The following TNNT1 variants were observed in gnomAD, a reference collection of about 807,000 sequenced individuals.
TNNT1 encodes troponin T1, slow skeletal type, also known as troponin T, slow skeletal muscle.
In TNNT1, 53 loss-of-function variants were observed where a neutral mutation model predicts 50.6. That is an observed-to-expected ratio of 1.05 (90% confidence interval 0.84 to 1.32). The LOEUF (loss-of-function observed/expected upper bound fraction) is 1.32. Among genes scored for constraint, TNNT1 ranks in the 40% most tolerant of loss-of-function variants. The pLI is 0.00. For synonymous variants in TNNT1, 142 were observed against 138.0 expected (o/e 1.03, Z -0.20); for missense variants, 348 against 381.7 (o/e 0.91, Z 0.74).
intron 1 of TNNT1, chr19:55,147,370 A>T: frequency 1.6e-5 from 2 of 126,052 alleles, no homozygotes; most frequent in Non-Finnish European, 2.8e-5. Context: ...CTGAGGAAGG[A>T]GGGGCTGGGG....
intron 6 of TNNT1, among the ~76,000 whole-genome samples, chr19:55,143,467 G>T (rs1349906851): frequency 6.6e-6 from 1 of 152,178 alleles, no homozygotes; most frequent in Non-Finnish European, 1.5e-5. Flanking sequence ...GAAGCAGACA[G>T]GACTTAGGGG....
chr19:55,147,687 A>AGGGGCTGGGGGCCTGGC (rs2085601293), intron 1 of TNNT1, among the ~76,000 whole-genome samples: 1 of 45,406 alleles, frequency 2.2e-5, no homozygotes, highest in Admixed American at 2.3e-4. Flanking sequence ...TGGGGTCTGG[A>AGGGGCTGGGGGCCTGGC]CTCCTGGATC....
At position 55,140,791 on chromosome 19, in the gene TNNT1, A is replaced by ATAT. The variant is rs2085435529; in HGVS notation, c.387+91_387+92insATA. On this transcript the variant is annotated intron_variant, in intron 9 of 13. Coordinates refer to ENST00000588981, the MANE Select transcript of TNNT1 (RefSeq NM_003283.6). ...GACTCCGTTTCAAAGAATAATAATAATAGTAATAATAATAATAATAATAAT... is the reference window on the plus strand; with the variant it reads ...GACTCCGTTTCAAAGAATAATAATAATATTAGTAATAATAATAATAATAATAAT... 32 of 714,026 alleles carry ATAT rather than the reference A, an allele frequency of 4.5e-5. No individual in the cohort carries two copies. In the South Asian group the frequency reaches 1.3e-3, roughly 28 times the overall value. The allele number at this position is 714,026 out of a possible 1,614,324, so 44.2% of individuals were successfully genotyped here.
chr19:55,132,937 CG>C lies in TNNT1; in HGVS notation c.814del (p.Arg272AlafsTer27). 1 of 1,603,784 alleles carries C rather than the reference CG, an allele frequency of 6.2e-7. No individual in the cohort carries two copies. ...TCCTCACTTCCAGCGGCCTCCAACG[CG>C]GCCCTTCCCTGCCCCCTTCCGGCTG... Reference protein sequence around the residue: ...QKFRKGAGKGRVGGRWK With the variant: ...QKFRKGAGKGXVGGRWK On this transcript the variant is annotated frameshift_variant, in exon 14 of 14. Transcript: ENST00000588981. LOFTEE classifies it high-confidence loss of function.
At chr19:55,140,337 C>T (rs1448224935) in intron 9 of TNNT1, among the ~76,000 whole-genome samples, 1 of 151,560 alleles carries the variant, frequency 6.6e-6, no homozygotes, top group Non-Finnish European at 1.5e-5. Context: ...GGCAGAGTGG[C>T]GCAGCCTATA....
intron 9 of TNNT1, among the ~76,000 whole-genome samples, chr19:55,139,837 A>C (rs1161509453): frequency 1.3e-5 from 2 of 151,950 alleles, no homozygotes; most frequent in African/African-American, 4.8e-5. Flanking sequence ...AATAATGATG[A>C]CAATGGCCAG....
In TNNT1 at chr19:55,141,124, C is replaced by T. The variant is rs2085444886; in HGVS notation, c.309+62G>A. On this transcript the variant is annotated intron_variant, in intron 8 of 13. Coordinates refer to ENST00000588981, the MANE Select transcript of TNNT1 (RefSeq NM_003283.6). ...GAGGAAAACTATTATCTGCATCTCCCAAGATGCAAGGGATCCACATGGAGG... is the reference window on the plus strand; with the variant it reads ...GAGGAAAACTATTATCTGCATCTCCTAAGATGCAAGGGATCCACATGGAGG... 7 of 1,495,332 alleles carry T rather than the reference C, an allele frequency of 4.7e-6. 1 individual carries two copies. The South Asian group carries it at 7.9e-5, about 17-fold the overall frequency. 92.6% of individuals were successfully genotyped at this position (1,495,332 alleles called of 1,614,324 possible).
At chr19:55,136,720 T>C (rs2056844188) in intron 11 of TNNT1, among the ~76,000 whole-genome samples, 1 of 152,186 alleles carries the variant, frequency 6.6e-6, no homozygotes, top group Non-Finnish European at 1.5e-5. Flanking sequence ...GTCTTGGCTA[T>C]AGATGCGAGG....
chr19:55,142,173 T>G (rs968856792), intron 6 of TNNT1: 1 of 421,978 alleles, frequency 2.4e-6, no homozygotes, highest in Non-Finnish European at 4.4e-6. Context: ...CAGGCTGGAG[T>G]GCGGTGGCGC....
chr19:55,144,322 A>G (rs2147262453), intron 6 of TNNT1, among the ~76,000 whole-genome samples: 1 of 152,024 alleles, frequency 6.6e-6, no homozygotes, highest in Non-Finnish European at 1.5e-5. Context: ...CGCCCCCCTC[A>G]GCCTCCCAAA....
At chr19:55,133,021 C>A in intron 13 of TNNT1, 61 bp from the exon 14 acceptor site, 6 of 1,453,844 alleles carry the variant, frequency 4.1e-6, no homozygotes, top group African/African-American at 1.4e-5. Flanking sequence ...AAATGGGCCC[C>A]AGGCCCTCAA....
chr19:55,140,672 G>A (rs895423332), intron 9 of TNNT1: 5 of 233,838 alleles, frequency 2.1e-5, no homozygotes, highest in Non-Finnish European at 3.3e-5. Flanking sequence ...AGCTACTGGG[G>A]AGGCTGAGGC....
chr19:55,145,713 G>T lies in TNNT1; in HGVS notation c.107-148C>A, dbSNP rs989122693. ...TGGAGTCCAGTTCTGGAGGAGGGGG[G>T]ATGGGGAGAAGAAAAGAGGGAAGGA... On this transcript the variant is annotated intron_variant, in intron 5 of 13. Coordinates refer to ENST00000588981, the MANE Select transcript of TNNT1 (RefSeq NM_003283.6). 25 of 765,206 alleles carry T rather than the reference G, an allele frequency of 3.3e-5. No individual in the cohort carries two copies. In the South Asian group the frequency reaches 3.8e-4, roughly 12 times the overall value. The allele number at this position is 765,206 out of a possible 1,614,324, so 47.4% of individuals were successfully genotyped here.
intron 11 of TNNT1, among the ~76,000 whole-genome samples, chr19:55,134,842 G>A (rs1267675546): frequency 1.1e-5 from 1 of 90,394 alleles, no homozygotes; most frequent in Non-Finnish European, 2.3e-5. Flanking sequence ...ACGAGGGGAA[G>A]GGAGGGGAGG....
intron 11 of TNNT1, 118 bp downstream of exon 11, chr19:55,136,985 T>A (rs2085355894): frequency 1.5e-6 from 1 of 667,930 alleles, no homozygotes; most frequent in Non-Finnish European, 2.6e-6. Flanking sequence ...TTGCCCAAAG[T>A]CACATAGCAC....
chr19:55,132,857 C>G lies in TNNT1; in HGVS notation c.*58G>C. Reference sequence around the variant, plus strand: ...GTCTGAGGGGAGCGTTTATTTCAAGCTACCGATGGGACAAACACTCCCAGG... The same window carrying G: ...GTCTGAGGGGAGCGTTTATTTCAAGGTACCGATGGGACAAACACTCCCAGG... On this transcript the variant is annotated 3_prime_UTR_variant, in exon 14 of 14. Coordinates refer to ENST00000588981, the MANE Select transcript of TNNT1 (RefSeq NM_003283.6). The G allele has an allele frequency of 1.3e-6, 2 of 1,531,374 alleles. No individual in the cohort carries two copies. Among genetic ancestry groups the G allele is most frequent in the Non-Finnish European group, 1.8e-6 (2 of 1,123,480 alleles). The allele number at this position is 1,531,374 out of a possible 1,614,324, so 94.9% of individuals were successfully genotyped here.
intron 6 of TNNT1, 110 bp downstream of exon 6, chr19:55,145,434 T>C: frequency 1.0e-6 from 1 of 984,980 alleles, no homozygotes. Context: ...TGTCGACTGC[T>C]GTTTCAATTT....
intron 13 of TNNT1, 145 bp from the exon 14 acceptor site, chr19:55,133,105 C>G: frequency 1.3e-6 from 1 of 769,020 alleles, no homozygotes; most frequent in East Asian, 2.7e-5. Flanking sequence ...ACTGTCACCT[C>G]TTTTGGGTTC....
intron 6 of TNNT1, 195 bp from the exon 7 acceptor site, chr19:55,142,115 T>G (rs2085468762): frequency 6.8e-6 from 4 of 586,982 alleles, no homozygotes; most frequent in Non-Finnish European, 1.2e-5. Context: ...TTTTTTTGGT[T>G]GTTGTTGGTT....
Sources: allele counts gnomAD v4.1 joint callset (sites outside exome capture counted in the v4.1 genomes callset), GRCh38; gene constraint gnomAD v4.1.1; transcripts MANE v1.5; gene names NCBI Gene and HGNC (gene_info 2026-07-23, HGNC 2026-07-21).